The following GPC5 variants were observed in gnomAD, a reference collection of about 807,000 sequenced individuals.
The protein encoded by GPC5 is glypican-5.
A neutral mutation model predicts 53.9 loss-of-function variants in GPC5; 47 were observed. That is an observed-to-expected ratio of 0.87 (90% CI 0.69 to 1.11). The LOEUF (loss-of-function observed/expected upper bound fraction) is 1.11. Among genes scored for constraint, GPC5 ranks in the 50% most tolerant of loss-of-function variants. The pLI is 0.00. For missense variants in GPC5, 748 were observed against 713.1 expected, an observed-to-expected ratio of 1.05 and a Z score of -0.56; for synonymous variants, 286 against 263.3, an observed-to-expected ratio of 1.09 and a Z score of -0.84.
chr13:91,467,784 A>G (rs1246654473), intron 2 of GPC5, among the ~76,000 whole-genome samples: 3 of 152,160 alleles, frequency 2.0e-5, no homozygotes, highest in Non-Finnish European at 4.4e-5. Flanking sequence ...TTGGCAATGA[A>G]AGTGTTTTAG....
chr13:91,926,897 CTACA>C (rs1184463152), intron 6 of GPC5, among the ~76,000 whole-genome samples: 2 of 152,180 alleles, frequency 1.3e-5, no homozygotes, highest in Non-Finnish European at 2.9e-5. Context: ...CATAAAATTG[CTACA>C]TAGTTTCTAC....
At chr13:91,524,766 C>A (rs1886007719) in intron 2 of GPC5, among the ~76,000 whole-genome samples, 1 of 152,110 alleles carries the variant, frequency 6.6e-6, no homozygotes, top group South Asian at 2.1e-4. Context: ...CATAATTCAC[C>A]CTTTCCCAAG....
chr13:92,796,180 C>A (rs992148060), intron 7 of GPC5, among the ~76,000 whole-genome samples: 1 of 151,972 alleles, frequency 6.6e-6, no homozygotes, highest in African/African-American at 2.4e-5. Context: ...TATTATGCAA[C>A]CATAAAAAAG....
intron 2 of GPC5, among the ~76,000 whole-genome samples, chr13:91,458,849 C>CAT (rs1429595886): frequency 4.6e-5 from 7 of 152,030 alleles, no homozygotes; most frequent in Non-Finnish European, 8.8e-5. Flanking sequence ...GGTGTATATG[C>CAT]ATGTATATAC....
intron 3 of GPC5, among the ~76,000 whole-genome samples, chr13:91,715,513 C>T (rs1028591467): frequency 6.6e-6 from 1 of 152,036 alleles, no homozygotes; most frequent in Non-Finnish European, 1.5e-5. Flanking sequence ...AATGTAAATA[C>T]ATGTGTTTGT....
intron 6 of GPC5, among the ~76,000 whole-genome samples, chr13:91,986,826 G>A (rs2040412465): frequency 6.6e-6 from 1 of 152,000 alleles, no homozygotes; most frequent in South Asian, 2.1e-4. Flanking sequence ...CATGGTATAT[G>A]TTAGTAAAAA....
At chr13:92,590,281 A>G (rs944468212) in intron 7 of GPC5, among the ~76,000 whole-genome samples, 2 of 152,048 alleles carry the variant, frequency 1.3e-5, no homozygotes, top group Non-Finnish European at 2.9e-5. Context: ...ACAAAGGAGG[A>G]CACACCGAGA....
intron 6 of GPC5, among the ~76,000 whole-genome samples, chr13:92,015,592 A>G (rs906381434): frequency 6.6e-6 from 1 of 152,114 alleles, no homozygotes; most frequent in Admixed American, 6.6e-5. Flanking sequence ...AAACTCAAAG[A>G]GATCAAGTTA....
Position 92,861,507 on chromosome 13 carries a change from T to G in GPC5, c.1562-4775T>G, listed in dbSNP as rs112231120. ...TGTCCAGTGAAGAAGACTTTCCCTT[T>G]TTCTTATTATTGTAAATATCCATTT... On this transcript the variant is annotated intron_variant, in intron 7 of 7. Transcript: ENST00000377067. Among the ~76,000 whole-genome samples, 897 of 152,244 alleles carry G rather than the reference T, an allele frequency of 5.9e-3. 5 individuals are homozygous for G. The highest frequency in any genetic ancestry group is 0.019 in the African/African-American group (785 of 41,570).
chr13:92,316,229 CCAA>C (rs2043178379), intron 7 of GPC5, among the ~76,000 whole-genome samples: 1 of 151,954 alleles, frequency 6.6e-6, no homozygotes, highest in Non-Finnish European at 1.5e-5. Context: ...AAATTGCTGA[CCAA>C]CACCTTTTTC....
chr13:91,528,760 G>T (rs1886201458), intron 2 of GPC5, among the ~76,000 whole-genome samples: 1 of 152,136 alleles, frequency 6.6e-6, no homozygotes, highest in African/African-American at 2.4e-5. Flanking sequence ...GTTCCACATG[G>T]CTTGGGAGGC....
At chr13:91,636,837 A>T (rs1429316818) in intron 2 of GPC5, among the ~76,000 whole-genome samples, 1 of 152,164 alleles carries the variant, frequency 6.6e-6, no homozygotes, top group Non-Finnish European at 1.5e-5. Context: ...GCGTGCCTGT[A>T]GACCTGACAA....
chr13:92,385,365 T>TATATAC lies in GPC5; in HGVS notation c.1561+240381_1561+240382insCATATA, dbSNP rs1264865026. Among the ~76,000 whole-genome samples, 377 of 46,692 alleles carry TATATAC rather than the reference T, an allele frequency of 8.1e-3. 23 individuals carry two copies. Among genetic ancestry groups the TATATAC allele is most frequent in the East Asian group, 0.017 (22 of 1,270 alleles). The allele number at this position is 46,692 out of a possible 152,430, so 30.6% of individuals were successfully genotyped here. On this transcript the variant is annotated intron_variant, in intron 7 of 7. Coordinates refer to ENST00000377067, the MANE Select transcript of GPC5 (RefSeq NM_004466.6). ...ATATATACATATATACATATATACA[T>TATATAC]ATATATACATATATACATATATATA...
At chr13:92,666,182 G>C (rs972703619) in intron 7 of GPC5, among the ~76,000 whole-genome samples, 1 of 152,246 alleles carries the variant, frequency 6.6e-6, no homozygotes, top group Admixed American at 6.5e-5. Flanking sequence ...TAGCATAACA[G>C]GGATGGATTT....
At chr13:91,712,423 A>G (rs950390625) in intron 3 of GPC5, among the ~76,000 whole-genome samples, 12 of 152,122 alleles carry the variant, frequency 7.9e-5, no homozygotes, top group African/African-American at 2.7e-4. Flanking sequence ...TAATTTGAAT[A>G]TATTGGTGTT....
chr13:92,786,145 T>C (rs1477385557), intron 7 of GPC5, among the ~76,000 whole-genome samples: 1 of 152,108 alleles, frequency 6.6e-6, no homozygotes, highest in Admixed American at 6.5e-5. Flanking sequence ...TCACACAAAA[T>C]CTTTATATTG....
At chr13:91,567,952 A>G (rs2031610170) in intron 2 of GPC5, among the ~76,000 whole-genome samples, 1 of 152,160 alleles carries the variant, frequency 6.6e-6, no homozygotes. Context: ...AGTTTCTCCC[A>G]TGCTGTTCTT....
At chr13:92,112,466 G>A in intron 6 of GPC5, among the ~76,000 whole-genome samples, 1 of 152,126 alleles carries the variant, frequency 6.6e-6, no homozygotes, top group East Asian at 1.9e-4. Flanking sequence ...AGAACAAGAA[G>A]AAAGGGTTTA....
chr13:92,661,545 T>G (rs1886344124), intron 7 of GPC5, among the ~76,000 whole-genome samples: 1 of 152,206 alleles, frequency 6.6e-6, no homozygotes, highest in Admixed American at 6.5e-5. Flanking sequence ...TTTTATGGCA[T>G]TAAATAGTGT....
Sources: gnomAD v4.1 joint callset for allele counts (sites outside exome capture counted in the v4.1 genomes callset) on GRCh38, gnomAD v4.1.1 for gene constraint, MANE v1.5 for transcripts, NCBI Gene and HGNC (gene_info 2026-07-23, HGNC 2026-07-21) for gene names.